The following CDC14A variants were observed in gnomAD, a reference collection of about 807,000 sequenced individuals.
The protein encoded by CDC14A is cell division cycle 14A.
CDC14A carries 53 observed loss-of-function variants against 74.4 expected under a neutral mutation model. The observed-to-expected ratio is 0.71, with a 90% CI of 0.57 to 0.89. The LOEUF is 0.89. CDC14A is among the 40% of genes least tolerant of loss of function. The pLI is 0.00. For missense variants in CDC14A, 646 were observed against 713.7 expected, an observed-to-expected ratio of 0.91 and a Z score of 1.08; for synonymous variants, 247 against 258.4, an observed-to-expected ratio of 0.96 and a Z score of 0.43.
intron 5 of CDC14A, among the ~76,000 whole-genome samples, chr1:100,429,214 T>TAAATAAAAAAA (rs1663326700): frequency 6.8e-6 from 1 of 146,406 alleles, no homozygotes; most frequent in Non-Finnish European, 1.5e-5. Context: ...AAAAAATAAA[T>TAAATAAAAAAA]AAATAAATAA....
At chr1:100,492,070 A>T (rs1670762370) in intron 11 of CDC14A, among the ~76,000 whole-genome samples, 1 of 152,072 alleles carries the variant, frequency 6.6e-6, no homozygotes, top group Non-Finnish European at 1.5e-5. Context: ...ATGGCTGTGT[A>T]TTGTAGTATT....
intron 5 of CDC14A, among the ~76,000 whole-genome samples, 168 bp downstream of exon 5, chr1:100,424,469 G>T (rs1662719365): frequency 6.6e-6 from 1 of 152,150 alleles, no homozygotes; most frequent in Non-Finnish European, 1.5e-5. Context: ...TATCCCCCTA[G>T]CTAGCAAGAA....
chr1:100,424,266 C>A lies in CDC14A; in HGVS notation c.354C>A (p.Leu118=). 1 of 1,613,552 alleles carries A rather than the reference C, an allele frequency of 6.2e-7. No homozygotes were observed. The highest frequency in any genetic ancestry group is 1.1e-5 in the South Asian group (1 of 91,072). The change falls in exon 5 of 16, where the codon CTC becomes CTA. Residue 118 remains leucine (L), a synonymous_variant. Transcript: ENST00000336454. ...CACCAGAAGAAGCCTACAGAGCACT[C>A]CTGTCTGGCTCAAACCCCCCCTATC... is the stretch of plus-strand genomic sequence containing the variant. The part of the protein sequence containing the change: ...KKTPEEAYRA[L]LSGSNPPYLP...
chr1:100,372,754 T>C (rs546346463), intron 2 of CDC14A, among the ~76,000 whole-genome samples: 2 of 152,344 alleles, frequency 1.3e-5, no homozygotes, highest in South Asian at 4.1e-4. Flanking sequence ...CCTGTGAATG[T>C]TAATATGTTG....
chr1:100,495,867 A>G, intron 12 of CDC14A, 135 bp from the exon 13 acceptor site: 2 of 685,126 alleles, frequency 2.9e-6, no homozygotes, highest in South Asian at 3.4e-5. Context: ...TGGGTAATCT[A>G]ATATCCATTT....
At chr1:100,496,549 G>A (rs967150007) in intron 13 of CDC14A, among the ~76,000 whole-genome samples, 1 of 152,134 alleles carries the variant, frequency 6.6e-6, no homozygotes, top group Non-Finnish European at 1.5e-5. Context: ...GTGGTACCAC[G>A]ATCTGGTGTG....
At chr1:100,397,923 T>G (rs910599046) in intron 4 of CDC14A, among the ~76,000 whole-genome samples, 2 of 152,218 alleles carry the variant, frequency 1.3e-5, no homozygotes, top group African/African-American at 4.8e-5. Context: ...ACTTAAGACC[T>G]AAGTAGTTAT....
chr1:100,483,857 TG>T (rs1369548344), intron 10 of CDC14A, among the ~76,000 whole-genome samples: 1 of 152,198 alleles, frequency 6.6e-6, no homozygotes, highest in Non-Finnish European at 1.5e-5. Flanking sequence ...AATACTTTTT[TG>T]GGTAATATCT....
chr1:100,461,448 C>T (rs540860879), intron 8 of CDC14A, among the ~76,000 whole-genome samples: 14 of 152,354 alleles, frequency 9.2e-5, no homozygotes, highest in African/African-American at 2.6e-4. Flanking sequence ...TGCTGGCTGC[C>T]GCCACCCCTG....
intron 3 of CDC14A, among the ~76,000 whole-genome samples, chr1:100,384,413 T>C (rs1370586786): frequency 1.3e-5 from 2 of 152,240 alleles, no homozygotes; most frequent in Non-Finnish European, 2.9e-5. Flanking sequence ...ACTGTACCTG[T>C]AATTAGTATC....
chr1:100,514,967 T>C (rs1232294009), intron 15 of CDC14A, among the ~76,000 whole-genome samples: 1 of 152,214 alleles, frequency 6.6e-6, no homozygotes, highest in African/African-American at 2.4e-5. Context: ...GGCTATAGTC[T>C]TTTCTGGGAT....
chr1:100,472,205 G>A (rs1171351232), intron 10 of CDC14A, among the ~76,000 whole-genome samples: 3 of 152,098 alleles, frequency 2.0e-5, no homozygotes, highest in African/African-American at 4.8e-5. Flanking sequence ...ATAAACATAC[G>A]AAAAGCGATT....
chr1:100,385,978 C>G (rs1486781432), intron 3 of CDC14A, among the ~76,000 whole-genome samples: 1 of 151,936 alleles, frequency 6.6e-6, no homozygotes, highest in African/African-American at 2.4e-5. Flanking sequence ...ACCAGCCTGG[C>G]CAACATGGTG....
intron 15 of CDC14A, among the ~76,000 whole-genome samples, chr1:100,517,089 C>T (rs989294163): frequency 1.3e-5 from 2 of 152,206 alleles, no homozygotes; most frequent in Non-Finnish European, 2.9e-5. Flanking sequence ...TCGCCCTTTG[C>T]GGTCAGGGAC....
chr1:100,363,305 C>G (rs1653053667), intron 2 of CDC14A: 1 of 152,208 alleles, frequency 6.6e-6, no homozygotes, highest in East Asian at 1.9e-4. Context: ...GTGCAGCTCT[C>G]TTTTACAGGC....
intron 2 of CDC14A, among the ~76,000 whole-genome samples, chr1:100,358,096 G>T (rs1259824259): frequency 1.3e-5 from 2 of 152,206 alleles, no homozygotes; most frequent in African/African-American, 4.8e-5. Context: ...ATCATCCTTT[G>T]TCCTTGGGTT....
chr1:100,509,837 TG>T lies in CDC14A; in HGVS notation c.1756-8413del, dbSNP rs1260087141. On this transcript the variant is annotated intron_variant, in intron 15 of 15. Transcript: ENST00000336454. ...TATTTTTCTCTCTTGGGCAGACTGTTGTGAGTCCTTCAGCCTTCTGTTATGA... is the reference window on the plus strand; with the variant it reads ...TATTTTTCTCTCTTGGGCAGACTGTTTGAGTCCTTCAGCCTTCTGTTATGA... 2.0e-5 allele frequency among the ~76,000 whole-genome samples: 3 copies of T among 152,252 alleles called. No individual in the cohort carries two copies. In the East Asian group the frequency reaches 5.8e-4, roughly 29 times the overall value.
chr1:100,352,614 C>G lies in CDC14A; in HGVS notation c.-341C>G, dbSNP rs1012575281. On this transcript the variant is annotated 5_prime_UTR_variant, in exon 1 of 16. Transcript: ENST00000336454. ...CCTCCTCCATGATCACTTTGGAAGC[C>G]GGGGGAAGACTTTGCCCTGCCCTGA... The G allele has an allele frequency of 3.4e-5, 39 of 1,156,274 alleles. No homozygotes were observed. The highest frequency in any genetic ancestry group is 4.2e-5 in the Non-Finnish European group (39 of 937,418). The allele number at this position is 1,156,274 out of a possible 1,614,324, so 71.6% of individuals were successfully genotyped here. A position where few individuals can be genotyped will look rare whatever the true frequency, so the allele number is the denominator to read the frequency against.
intron 11 of CDC14A, among the ~76,000 whole-genome samples, chr1:100,491,422 T>C (rs1670602102): frequency 1.3e-5 from 2 of 150,826 alleles, no homozygotes; most frequent in South Asian, 4.2e-4. Flanking sequence ...ACCTATACTT[T>C]ATTACTAATG....
Sources: gnomAD v4.1 joint callset for allele counts (sites outside exome capture counted in the v4.1 genomes callset) on GRCh38, gnomAD v4.1.1 for gene constraint, MANE v1.5 for transcripts, NCBI Gene and HGNC (gene_info 2026-07-23, HGNC 2026-07-21) for gene names.